MTHFD1L: variants seen among roughly 807,000 people sequenced by gnomAD.
MTHFD1L encodes the protein methylenetetrahydrofolate dehydrogenase (NADP+ dependent) 1 like.
MTHFD1L carries 81 observed loss-of-function variants against 119.5 expected under a neutral mutation model. That is an observed-to-expected ratio of 0.68 (90% confidence interval 0.57 to 0.82). The LOEUF (loss-of-function observed/expected upper bound fraction) is 0.82, where lower values mean the gene tolerates loss of function less well. Ranked by LOEUF, MTHFD1L falls within the 40% of genes least tolerant of loss-of-function variation. MTHFD1L has a pLI of 0.00. For missense variants in MTHFD1L, 1,125 were observed against 1,253.4 expected, an observed-to-expected ratio of 0.90 and a Z score of 1.55; for synonymous variants, 430 against 475.2, an observed-to-expected ratio of 0.90 and a Z score of 1.24.
chr6:151,083,892 T>C (rs191156989), intron 26 of MTHFD1L, among the ~76,000 whole-genome samples: 98 of 152,314 alleles, frequency 6.4e-4, no homozygotes, highest in Admixed American at 1.2e-3. Context: ...CTCATTTTTC[T>C]AATCAGCAAA....
chr6:150,978,920 T>G (rs569110), intron 20 of MTHFD1L, among the ~76,000 whole-genome samples: 78,199 of 151,940 alleles, frequency 0.51, 21,395 homozygotes, highest in African/African-American at 0.68. Context: ...CAATGCTCTT[T>G]ACCTGGTTGC....
At chr6:150,879,619 C>T (rs1781048653) in intron 4 of MTHFD1L, among the ~76,000 whole-genome samples, 1 of 143,844 alleles carries the variant, frequency 7.0e-6, no homozygotes, top group Non-Finnish European at 1.5e-5. Flanking sequence ...TGTTTTGCCA[C>T]TGGTGTTTTT....
intron 9 of MTHFD1L, among the ~76,000 whole-genome samples, chr6:150,918,922 A>C (rs1468490476): frequency 1.3e-5 from 2 of 152,176 alleles, no homozygotes; most frequent in Non-Finnish European, 2.9e-5. Context: ...AAATTATCCC[A>C]AAATTTAGCA....
chr6:150,970,411 T>C (rs926500710), intron 19 of MTHFD1L, among the ~76,000 whole-genome samples: 3 of 152,226 alleles, frequency 2.0e-5, no homozygotes, highest in Non-Finnish European at 4.4e-5. Flanking sequence ...TGGCGGCCAC[T>C]GGACATGTGG....
rs1304607809 is a variant in MTHFD1L at position 150,937,295 on chromosome 6, CTT to C, written c.1393+357_1393+358del. Among the ~76,000 whole-genome samples, 5 of 152,186 alleles carry C rather than the reference CTT, an allele frequency of 3.3e-5. No homozygotes were observed. The East Asian group carries it at 9.7e-4, about 29-fold the overall frequency. Reference sequence around the variant, plus strand: ...GATCATCCCAGTCCCGGGGAAAGGTCTTTCCCTCTGCTTTAGTCTCGGCTCAT... The same window carrying C: ...GATCATCCCAGTCCCGGGGAAAGGTCTCCCTCTGCTTTAGTCTCGGCTCAT... On this transcript the variant is annotated intron_variant, in intron 12 of 27. Coordinates refer to ENST00000367321, the MANE Select transcript of MTHFD1L (RefSeq NM_015440.5).
At chr6:150,997,881 G>T (rs1341405550) in intron 20 of MTHFD1L, among the ~76,000 whole-genome samples, 3 of 152,188 alleles carry the variant, frequency 2.0e-5, no homozygotes, top group African/African-American at 7.2e-5. Context: ...TTTAGGCCAG[G>T]CCCGAGTAAT....
rs758556115 is a variant in MTHFD1L at position 150,905,683 on chromosome 6, C to A, written c.814C>A (p.Pro272Thr). Residue 272 changes from proline (P) to threonine (T), a missense_variant, in exon 8 of 28, where the codon CCT (proline) becomes ACT (threonine). Coordinates refer to ENST00000367321, the MANE Select transcript of MTHFD1L (RefSeq NM_015440.5). Reference protein sequence around the residue: ...HEADIVVLGSPKPEEIPLTWI... With the variant: ...HEADIVVLGSTKPEEIPLTWI... ...GGCTGACATTGTGGTCCTAGGCTCA[C>A]CTAAGCCAGAAGAGATTCCCCTTAC... The A allele has an allele frequency of 3.1e-6, 5 of 1,613,956 alleles. No homozygotes were observed. The highest frequency in any genetic ancestry group is 1.3e-5 in the African/African-American group (1 of 74,902).
At chr6:150,900,090 T>C (rs1411450890) in intron 7 of MTHFD1L, among the ~76,000 whole-genome samples, 2 of 151,556 alleles carry the variant, frequency 1.3e-5, no homozygotes, top group African/African-American at 4.8e-5. Context: ...CTGAATGAAA[T>C]CTCCATTTGC....
chr6:151,079,335 A>G (rs1045190501), intron 26 of MTHFD1L, among the ~76,000 whole-genome samples: 1 of 152,132 alleles, frequency 6.6e-6, no homozygotes, highest in African/African-American at 2.4e-5. Flanking sequence ...AGACCAGGAC[A>G]GCAGCGAAAG....
chr6:150,999,929 A>C (rs1451041520), intron 20 of MTHFD1L, among the ~76,000 whole-genome samples: 1 of 152,208 alleles, frequency 6.6e-6, no homozygotes, highest in Non-Finnish European at 1.5e-5. Flanking sequence ...CTTTTCCCAA[A>C]TACGTCCCCA....
chr6:150,879,108 TA>T (rs1780946095), intron 4 of MTHFD1L, among the ~76,000 whole-genome samples: 1 of 152,110 alleles, frequency 6.6e-6, no homozygotes, highest in Non-Finnish European at 1.5e-5. Flanking sequence ...ACCAAGAGTT[TA>T]TTACTAAGAA....
intron 19 of MTHFD1L, among the ~76,000 whole-genome samples, chr6:150,968,684 A>AT (rs527899212): frequency 1.3e-4 from 19 of 145,874 alleles, no homozygotes; most frequent in South Asian, 2.2e-4. Flanking sequence ...TAATTTTTGT[A>AT]TTTTTTTTTT....
At chr6:150,978,588 T>A (rs4869963) in intron 20 of MTHFD1L, among the ~76,000 whole-genome samples, 68,229 of 151,968 alleles carry the variant, frequency 0.45, 17,575 homozygotes, top group African/African-American at 0.67. Context: ...ATGAATCGAC[T>A]TAGCAGTTCC....
At chr6:150,898,835 T>TTA (rs1657432218) in intron 7 of MTHFD1L, 1 of 373,160 alleles carries the variant, frequency 2.7e-6, no homozygotes, top group Non-Finnish European at 5.0e-6. Context: ...AAGATTATTA[T>TTA]TATTATTATT....
intron 12 of MTHFD1L, among the ~76,000 whole-genome samples, chr6:150,937,885 G>A (rs540708412): frequency 9.8e-5 from 15 of 152,334 alleles, no homozygotes; most frequent in South Asian, 2.1e-4. Flanking sequence ...TTAGGAAAGA[G>A]CAGTCCTTTT....
chr6:150,989,554 T>G (rs768332789), intron 20 of MTHFD1L, among the ~76,000 whole-genome samples: 4 of 152,220 alleles, frequency 2.6e-5, no homozygotes, highest in Non-Finnish European at 5.9e-5. Flanking sequence ...AAGTTTTAGT[T>G]TGCTAGTGGA....
At position 150,889,713 on chromosome 6, in the gene MTHFD1L, G is replaced by T. The variant is rs111944527; in HGVS notation, c.780+1732G>T. Among the ~76,000 whole-genome samples, 1,438 of 152,292 alleles carry T rather than the reference G, an allele frequency of 9.4e-3. 9 individuals are homozygous for T. The highest frequency in any genetic ancestry group is 0.037 in the Middle Eastern group (11 of 294). The stretch of plus-strand genomic sequence containing the variant: ...TTGCTCACCAGTCATATTGGCAGTA[G>T]GTAAAAAGTGCCAGTTAGCCATATT... On this transcript the variant is annotated intron_variant, in intron 7 of 27. Coordinates refer to ENST00000367321, the MANE Select transcript of MTHFD1L (RefSeq NM_015440.5).
intron 26 of MTHFD1L, among the ~76,000 whole-genome samples, chr6:151,045,136 C>T (rs1409246370): frequency 5.9e-5 from 9 of 152,238 alleles, no homozygotes; most frequent in South Asian, 4.1e-4. Flanking sequence ...TTGCTTCACT[C>T]GGTTAGGCAT....
intron 26 of MTHFD1L, among the ~76,000 whole-genome samples, chr6:151,060,955 C>T (rs1443884184): frequency 1.3e-5 from 2 of 152,076 alleles, no homozygotes; most frequent in African/African-American, 2.4e-5. Context: ...ATACCCAGGG[C>T]CTAACCTGAG....
Sources: allele counts gnomAD v4.1 joint callset (sites outside exome capture counted in the v4.1 genomes callset), GRCh38; gene constraint gnomAD v4.1.1; transcripts MANE v1.5; gene names NCBI Gene and HGNC (gene_info 2026-07-23, HGNC 2026-07-21).